Variants in PROKR1 observed in about 807,000 individuals in gnomAD.
PROKR1 encodes G protein-coupled receptor 73.
In PROKR1, 21 loss-of-function variants were observed where a neutral mutation model predicts 22.8. That is an observed-to-expected ratio of 0.92 (90% confidence interval 0.65 to 1.32). The LOEUF (loss-of-function observed/expected upper bound fraction) is 1.32, where lower values mean the gene tolerates loss of function less well. PROKR1 is among the 40% of genes most tolerant of loss of function. The probability of loss-of-function intolerance (pLI) is 0.00; values close to 1 mark genes in which losing one functional copy is unlikely to be tolerated. For synonymous variants in PROKR1, 193 were observed against 207.5 expected (o/e 0.93, Z 0.60); for missense variants, 548 against 514.2 (o/e 1.07, Z -0.64).
At chr2:68,653,892 GA>G (rs1037107010) in intron 2 of PROKR1, among the ~76,000 whole-genome samples, 15 of 150,162 alleles carry the variant, frequency 1.0e-4, no homozygotes, top group Admixed American at 3.3e-4. Context: ...TTTGCGGTTA[GA>G]AAAAAAAATA....
At chr2:68,651,174 C>T (rs1038319078) in intron 2 of PROKR1, among the ~76,000 whole-genome samples, 25 of 151,386 alleles carry the variant, frequency 1.7e-4, no homozygotes, top group African/African-American at 6.1e-4. Flanking sequence ...TCAGCCTGGG[C>T]AACATAGGTA....
intron 2 of PROKR1, among the ~76,000 whole-genome samples, chr2:68,647,591 G>A (rs748616984): frequency 6.6e-6 from 1 of 152,122 alleles, no homozygotes; most frequent in Non-Finnish European, 1.5e-5. Flanking sequence ...CGTAGGCAGG[G>A]CGACCAGGGG....
At position 68,657,150 on chromosome 2, in the gene PROKR1, T is replaced by G. The variant is rs1673487914; in HGVS notation, c.*1574T>G. On this transcript the variant is annotated 3_prime_UTR_variant, in exon 3 of 3. Coordinates refer to ENST00000303786, the MANE Select transcript of PROKR1 (RefSeq NM_138964.4). ...AGGTAACACCTTTGTCCTTCTGTGGTACCTTCTGTGATACCTGTGATACCT... is the reference window on the plus strand; with the variant it reads ...AGGTAACACCTTTGTCCTTCTGTGGGACCTTCTGTGATACCTGTGATACCT... The G allele has an allele frequency of 6.6e-6, 1 of 152,204 alleles. No individual in the cohort carries two copies. Among genetic ancestry groups the G allele is most frequent in the African/African-American group, 2.4e-5 (1 of 41,436 alleles). 9.4% of individuals were successfully genotyped at this position (152,204 alleles called of 1,614,324 possible).
intron 2 of PROKR1, among the ~76,000 whole-genome samples, chr2:68,653,886 C>A (rs1673388169): frequency 6.6e-6 from 1 of 151,312 alleles, no homozygotes; most frequent in Non-Finnish European, 1.5e-5. Flanking sequence ...TGGTGCTTTG[C>A]GGTTAGAAAA....
chr2:68,644,276 C>T lies in PROKR1; in HGVS notation c.-161+428C>T, dbSNP rs560088468. ...TTCAGGTAGCATGCTTGTAGGGGTACCCCTCCAGGAGTGGCATGCCTCTGC... is the reference window on the plus strand; with the variant it reads ...TTCAGGTAGCATGCTTGTAGGGGTATCCCTCCAGGAGTGGCATGCCTCTGC... On this transcript the variant is annotated intron_variant, in intron 1 of 2. Transcript: ENST00000303786. 3.9e-5 allele frequency among the ~76,000 whole-genome samples: 6 copies of T among 152,312 alleles called. 1 individual carries two copies. Among genetic ancestry groups the T allele is most frequent in the African/African-American group, 1.4e-4 (6 of 41,574 alleles).
intron 1 of PROKR1, among the ~76,000 whole-genome samples, chr2:68,644,856 C>T (rs1344981277): frequency 6.6e-6 from 1 of 152,102 alleles, no homozygotes; most frequent in Non-Finnish European, 1.5e-5. Flanking sequence ...CACCCCAGCC[C>T]CATTATGTGG....
intron 2 of PROKR1, among the ~76,000 whole-genome samples, chr2:68,646,813 C>T (rs1368574585): frequency 2.6e-5 from 4 of 152,024 alleles, no homozygotes; most frequent in Non-Finnish European, 2.9e-5. Context: ...TTTGGGAGGC[C>T]GAGATAGGAG....
At chr2:68,650,063 T>C (rs1234357025) in intron 2 of PROKR1, among the ~76,000 whole-genome samples, 2 of 104,732 alleles carry the variant, frequency 1.9e-5, no homozygotes, top group African/African-American at 3.8e-5. Context: ...CTGGGGACTG[T>C]TGTGGGGTGG....
intron 2 of PROKR1, among the ~76,000 whole-genome samples, chr2:68,648,648 T>C (rs1024893956): frequency 1.3e-5 from 2 of 152,246 alleles, no homozygotes; most frequent in African/African-American, 4.8e-5. Context: ...ACCATCTAAT[T>C]GTGGTCTAGG....
intron 2 of PROKR1, 106 bp from the exon 3 acceptor site, chr2:68,654,774 T>C (rs915071867): frequency 1.8e-6 from 2 of 1,122,860 alleles, no homozygotes; most frequent in Admixed American, 4.0e-5. Flanking sequence ...CTCACTGCAC[T>C]CCAGCCTGGG....
At chr2:68,651,667 T>G (rs1353112431) in intron 2 of PROKR1, among the ~76,000 whole-genome samples, 1 of 152,358 alleles carries the variant, frequency 6.6e-6, no homozygotes, top group East Asian at 1.9e-4. Context: ...GTGTTATCTC[T>G]GCCCATCCCA....
Position 68,655,496 on chromosome 2 carries a change from G to A in PROKR1, c.1102G>A (p.Gly368Ser), listed in dbSNP as rs748147832. ...CCACTGGAAGGCTTCTTACAATGGCGGTAAGTCCAGTGCAGACCTGGACCT... is the reference window on the plus strand; with the variant it reads ...CCACTGGAAGGCTTCTTACAATGGCAGTAAGTCCAGTGCAGACCTGGACCT... ...LLHWKASYNGGKSSADLDLKT... is the reference protein window; with the variant it reads ...LLHWKASYNGSKSSADLDLKT... Residue 368 changes from glycine to serine, a missense_variant, in exon 3 of 3, where the codon GGT (glycine) becomes AGT (serine). By Grantham distance (56) the Gly-to-Ser change is moderately conservative. Coordinates refer to ENST00000303786, the MANE Select transcript of PROKR1 (RefSeq NM_138964.4). The A allele has an allele frequency of 5.6e-6, 9 of 1,614,222 alleles. No individual in the cohort carries two copies. Among genetic ancestry groups the A allele is most frequent in the South Asian group, 1.1e-5 (1 of 91,084 alleles).
At chr2:68,649,860 A>C (rs1289114149) in intron 2 of PROKR1, among the ~76,000 whole-genome samples, 1 of 152,162 alleles carries the variant, frequency 6.6e-6, no homozygotes, top group Non-Finnish European at 1.5e-5. Flanking sequence ...TGGGTTCTAC[A>C]AACAGAGGAA....
At chr2:68,647,838 A>G (rs931700008) in intron 2 of PROKR1, among the ~76,000 whole-genome samples, 1 of 152,058 alleles carries the variant, frequency 6.6e-6, no homozygotes, top group African/African-American at 2.4e-5. Flanking sequence ...CTGGAGGCCA[A>G]ATTCCCTCCA....
intron 2 of PROKR1, chr2:68,649,632 A>G (rs879070561): frequency 1.3e-5 from 2 of 152,222 alleles, no homozygotes; most frequent in Admixed American, 1.3e-4. Flanking sequence ...AGCAAGAAAT[A>G]CTCTGAACAA....
At position 68,654,874 on chromosome 2, in the gene PROKR1, C is replaced by T. The variant is rs202092252; in HGVS notation, c.486-6C>T. 499 of 1,607,934 alleles carry T rather than the reference C, an allele frequency of 3.1e-4. No homozygotes were observed. Among genetic ancestry groups the T allele is most frequent in the Non-Finnish European group, 3.9e-4 (457 of 1,175,402 alleles). On this transcript the variant is annotated splice_polypyrimidine_tract_variant and splice_region_variant and intron_variant, in intron 2 of 2. Transcript: ENST00000303786. ...GTGGCTGCCTCCACTTGTGTTCTTG[C>T]CCTAGGTATCTGGCTATTGTCCATC...
rs190261325 is a variant in PROKR1, at chr2:68,658,064, T to C, written c.*2488T>C. ...ATTAAGAATGCTAAACAAGAGTTGA[T>C]TGTATTAAACAGGAGCTTTTTATAT... On this transcript the variant is annotated 3_prime_UTR_variant, in exon 3 of 3. Transcript: ENST00000303786. The C allele has an allele frequency of 2.2e-4, 34 of 152,350 alleles. No homozygotes were observed. Among genetic ancestry groups the C allele is most frequent in the African/African-American group, 8.2e-4 (34 of 41,576 alleles). 9.4% of individuals were successfully genotyped at this position (152,350 alleles called of 1,614,324 possible).
Position 68,655,490 on chromosome 2 carries a change from A to C in PROKR1, c.1096A>C (p.Asn366His). 1.2e-6 allele frequency: 2 copies of C among 1,614,206 alleles called. No homozygotes were observed. Among genetic ancestry groups the C allele is most frequent in the South Asian group, 1.1e-5 (1 of 91,082 alleles). The change falls in exon 3 of 3, where the codon AAT (asparagine) becomes CAT (histidine). Residue 366 changes from asparagine to histidine, a missense_variant. Asn to His is a moderately conservative substitution (Grantham distance 68). Transcript: ENST00000303786. ...IMLLHWKASY[N>H]GGKSSADLDL... ...GTTGCTCCACTGGAAGGCTTCTTAC[A>C]ATGGCGGTAAGTCCAGTGCAGACCT...
In PROKR1 at chr2:68,655,125, C is replaced by G; in HGVS notation, c.731C>G (p.Pro244Arg). ...ATCTTTGGCATAGAATTCGTGGGCC[C>G]CGTGGTCACCATGACCCTGTGCTAT... ...LFIFGIEFVG[P>R]VVTMTLCYAR... The change falls in exon 3 of 3, where the codon CCC becomes CGC. Residue 244 changes from proline to arginine, a missense_variant. Physicochemically the swap from Pro to Arg is moderately radical, Grantham distance 103 (BLOSUM62 -2). Transcript: ENST00000303786. 1.2e-6 allele frequency: 2 copies of G among 1,614,216 alleles called. No homozygotes were observed. The highest frequency in any genetic ancestry group is 8.5e-7 in the Non-Finnish European group (1 of 1,180,048).
Sources: allele counts gnomAD v4.1 joint callset (sites outside exome capture counted in the v4.1 genomes callset), GRCh38; gene constraint gnomAD v4.1.1; transcripts MANE v1.5; gene names NCBI Gene and HGNC (gene_info 2026-07-23, HGNC 2026-07-21).